Variants in MPHOSPH9 observed in about 807,000 individuals in gnomAD.
The protein encoded by MPHOSPH9 is M-phase phosphoprotein 9.
Under a neutral mutation model 145.5 loss-of-function variants are expected in MPHOSPH9, and 88 were observed. The observed-to-expected ratio is 0.60, with a 90% CI of 0.51 to 0.72. MPHOSPH9 has a LOEUF of 0.72. MPHOSPH9 is among the 30% of genes least tolerant of loss of function. The pLI is 0.00. For missense variants in MPHOSPH9, 1,238 were observed against 1,386.6 expected, an observed-to-expected ratio of 0.89 and a Z score of 1.70; for synonymous variants, 435 against 486.2, an observed-to-expected ratio of 0.89 and a Z score of 1.39.
In MPHOSPH9 at chr12:123,194,574, C is replaced by G; in HGVS notation, c.2053G>C (p.Ala685Pro). 1.9e-6 allele frequency: 3 copies of G among 1,608,942 alleles called. No homozygotes were observed. Among genetic ancestry groups the G allele is most frequent in the Non-Finnish European group, 2.5e-6 (3 of 1,179,138 alleles). The change falls in exon 13 of 24, where the codon GCC (alanine) becomes CCC (proline). Residue 685 changes from alanine to proline, a missense_variant. Physicochemically the swap from Ala to Pro is conservative, Grantham distance 27 (BLOSUM62 -1). Around this residue, in one of 3 missense-constraint regions of MPHOSPH9, gnomAD observed 837 missense variants for 897.5 expected, o/e 0.93. Transcript: ENST00000606320. Reference sequence around the variant, plus strand: ...TGCAAAATTTTGGAAGCACTGCTGGCTGCACTGAAGCGTTCTCTCAAATCA... The same window carrying G: ...TGCAAAATTTTGGAAGCACTGCTGGGTGCACTGAAGCGTTCTCTCAAATCA... ...VNDLRERFSA[A>P]SSASKILQER...
intron 17 of MPHOSPH9, chr12:123,166,414 G>A (rs907614420): frequency 1.8e-5 from 9 of 492,972 alleles, no homozygotes; most frequent in Non-Finnish European, 2.5e-5. Flanking sequence ...CCTGAGGATC[G>A]ACATCCTATC....
chr12:123,192,856 G>C (rs1334756303), intron 13 of MPHOSPH9, among the ~76,000 whole-genome samples: 1 of 151,130 alleles, frequency 6.6e-6, no homozygotes, highest in Non-Finnish European at 1.5e-5. Context: ...CAGGTGGGCG[G>C]ATCAAGAGGT....
chr12:123,241,717 C>T (rs2047940928), intron 1 of MPHOSPH9, among the ~76,000 whole-genome samples: 1 of 152,204 alleles, frequency 6.6e-6, no homozygotes, highest in Non-Finnish European at 1.5e-5. Context: ...AATCCTCCCA[C>T]CTCAGCCTCC....
chr12:123,183,189 G>C (rs2045268875), intron 13 of MPHOSPH9, among the ~76,000 whole-genome samples: 1 of 151,778 alleles, frequency 6.6e-6, no homozygotes, highest in Non-Finnish European at 1.5e-5. Flanking sequence ...AGAAATTAAA[G>C]AGAAAACAAA....
intron 16 of MPHOSPH9, among the ~76,000 whole-genome samples, chr12:123,171,208 C>A (rs1017991898): frequency 6.6e-6 from 1 of 152,196 alleles, no homozygotes; most frequent in Non-Finnish European, 1.5e-5. Context: ...AATCCCAGCA[C>A]TTTGGGAAGC....
At chr12:123,221,199 G>A (rs566488665) in intron 5 of MPHOSPH9, among the ~76,000 whole-genome samples, 173 bp downstream of exon 5, 2 of 152,282 alleles carry the variant, frequency 1.3e-5, no homozygotes, top group Non-Finnish European at 2.9e-5. Flanking sequence ...TAACATTACA[G>A]ATGGGAAGAA....
At position 123,227,622 on chromosome 12, in the gene MPHOSPH9, G is replaced by A; in HGVS notation, c.105-6C>T. 1 of 1,497,108 alleles carries A rather than the reference G, an allele frequency of 6.7e-7. No homozygotes were observed. The highest frequency in any genetic ancestry group is 8.8e-7 in the Non-Finnish European group (1 of 1,131,046). The allele number at this position is 1,497,108 out of a possible 1,614,324, so 92.7% of individuals were successfully genotyped here. A position where few individuals can be genotyped will look rare whatever the true frequency, so the allele number is the denominator to read the frequency against. ...TACTAAGGTGGGGACTACTTCTGTT[G>A]AAACATAAATAATTCAAATGGTTTT... On this transcript the variant is annotated splice_region_variant and splice_polypyrimidine_tract_variant and intron_variant, in intron 2 of 23. Coordinates refer to ENST00000606320, the MANE Select transcript of MPHOSPH9 (RefSeq NM_022782.4).
At chr12:123,166,911 C>A in intron 16 of MPHOSPH9, 122 bp from the exon 17 acceptor site, 1 of 977,166 alleles carries the variant, frequency 1.0e-6, no homozygotes, top group Non-Finnish European at 1.5e-6. Context: ...TTAAAAATCA[C>A]ATGTAACAAT....
At chr12:123,211,684 C>CTTTTTTTTTTTTTTTTTTTTTTT (rs147321517) in intron 7 of MPHOSPH9, among the ~76,000 whole-genome samples, 3 of 67,756 alleles carry the variant, frequency 4.4e-5, no homozygotes, top group Non-Finnish European at 6.2e-5. Context: ...TAGACAATTT[C>CTTTTTTTTTTTTTTTTTTTTTTT]TTTTTTTTTT....
At chr12:123,226,367 A>T (rs1348741848) in intron 3 of MPHOSPH9, 14 of 1,144,870 alleles carry the variant, frequency 1.2e-5, no homozygotes, top group Non-Finnish European at 1.1e-5. Flanking sequence ...AAATAACACA[A>T]ATTATGCTTC....
At chr12:123,160,728 G>T in intron 23 of MPHOSPH9, 53 bp downstream of exon 23, 2 of 1,528,240 alleles carry the variant, frequency 1.3e-6, no homozygotes, top group Non-Finnish European at 9.0e-7. Context: ...TAGATAACTG[G>T]AACACTGACT....
chr12:123,176,821 A>C (rs2044889585), intron 15 of MPHOSPH9, 32 bp from the exon 16 acceptor site: 1 of 1,499,008 alleles, frequency 6.7e-7, no homozygotes, highest in Non-Finnish European at 9.3e-7. Flanking sequence ...TAAATTAAGT[A>C]CATTTCAACA....
chr12:123,182,108 T>C (rs951070509), intron 13 of MPHOSPH9, among the ~76,000 whole-genome samples: 1 of 151,636 alleles, frequency 6.6e-6, no homozygotes, highest in African/African-American at 2.4e-5. Context: ...GCCCGGCTAA[T>C]TTTTGTATTT....
chr12:123,241,984 C>A (rs1177713147), intron 1 of MPHOSPH9, among the ~76,000 whole-genome samples: 1 of 152,196 alleles, frequency 6.6e-6, no homozygotes, highest in African/African-American at 2.4e-5. Context: ...GTATGTTATC[C>A]ATCCTCAGCT....
intron 7 of MPHOSPH9, among the ~76,000 whole-genome samples, chr12:123,211,370 C>G (rs1451459931): frequency 6.6e-6 from 1 of 152,158 alleles, no homozygotes; most frequent in Non-Finnish European, 1.5e-5. Context: ...ATCCTCCCGC[C>G]CCGGCCTCCC....
downstream of MPHOSPH9, chr12:123,153,309 T>G (rs2043808811): frequency 6.6e-6 from 1 of 152,192 alleles, no homozygotes; most frequent in Non-Finnish European, 1.5e-5. Context: ...TTTTGGTGGC[T>G]AAAAAACCAA....
chr12:123,152,475 A>G, downstream of MPHOSPH9: 2 of 435,590 alleles, frequency 4.6e-6, no homozygotes, highest in Non-Finnish European at 9.3e-6. Context: ...CAGCACTGTA[A>G]AAAGCACATT....
intron 8 of MPHOSPH9, 122 bp from the exon 9 acceptor site, chr12:123,203,497 A>G: frequency 1.1e-6 from 1 of 872,822 alleles, no homozygotes; most frequent in South Asian, 1.9e-5. Flanking sequence ...GTAGACTGTC[A>G]GATTTGTAAT....
chr12:123,221,342 C>G, intron 5 of MPHOSPH9, 30 bp downstream of exon 5: 2 of 1,490,768 alleles, frequency 1.3e-6, no homozygotes, highest in Non-Finnish European at 1.8e-6. Flanking sequence ...ATGTAATAAA[C>G]TCCCTTCAAA....
Sources: allele counts gnomAD v4.1 joint callset (sites outside exome capture counted in the v4.1 genomes callset), GRCh38; gene constraint gnomAD v4.1.1; regional missense constraint gnomAD v4.1.1; transcripts MANE v1.5; gene names NCBI Gene and HGNC (gene_info 2026-07-23, HGNC 2026-07-21).